Variants in INTS1 observed in about 807,000 individuals in gnomAD.
The protein encoded by INTS1 is integrator complex subunit 1.
In INTS1, 137 loss-of-function variants were observed where a neutral mutation model predicts 241.6. The ratio of observed to expected loss-of-function variants is 0.57; its 90% confidence interval spans 0.49 to 0.65. The LOEUF (loss-of-function observed/expected upper bound fraction) is 0.65. INTS1 is among the 30% of genes least tolerant of loss of function. The pLI is 0.00. For synonymous variants in INTS1, 1,692 were observed against 1,337.8 expected, an observed-to-expected ratio of 1.26 and a Z score of -5.78; for missense variants, 3,073 against 3,032.2, an observed-to-expected ratio of 1.01 and a Z score of -0.32.
chr7:1,476,077 A>G lies in INTS1; in HGVS notation c.5379-6T>C. 1.3e-6 allele frequency: 2 copies of G among 1,540,426 alleles called. No homozygotes were observed. Among genetic ancestry groups the G allele is most frequent in the Admixed American group, 2.0e-5 (1 of 50,926 alleles). On this transcript the variant is annotated splice_region_variant and splice_polypyrimidine_tract_variant and intron_variant, in intron 38 of 47. Transcript: ENST00000404767. ...GGCAGCGCCTGCCCAGCACGCTGGA[A>G]GAGGTGGAGCAGGGCTCACCAGGCG...
In INTS1 at chr7:1,486,987, C is replaced by A. The variant is rs776012814; in HGVS notation, c.2761G>T (p.Asp921Tyr). The change falls in exon 21 of 48, where the codon GAT becomes TAT. Residue 921 changes from aspartate to tyrosine, a missense_variant. Physicochemically the swap from Asp to Tyr is radical, Grantham distance 160 (BLOSUM62 -3). Coordinates refer to ENST00000404767, the MANE Select transcript of INTS1 (RefSeq NM_001080453.3). ...CEFLLHDAVDDAASGEEDDEG... is the reference protein window; with the variant it reads ...CEFLLHDAVDYAASGEEDDEG... The stretch of plus-strand genomic sequence containing the variant: ...TCGTCCTCCTCCCCGGAAGCAGCAT[C>A]GTCCACAGCATCGTGCAGCAGGAAC... 1 of 1,608,254 alleles carries A rather than the reference C, an allele frequency of 6.2e-7. No individual in the cohort carries two copies. Among genetic ancestry groups the A allele is most frequent in the Admixed American group, 1.7e-5 (1 of 59,870 alleles).
rs770370653 is a variant in INTS1, at chr7:1,498,777, C to T, written c.1213G>A (p.Val405Ile). The T allele has an allele frequency of 3.1e-6, 5 of 1,591,244 alleles. No homozygotes were observed. Among genetic ancestry groups the T allele is most frequent in the Admixed American group, 3.5e-5 (2 of 56,894 alleles). ...CNTHGSEDMD[V>I]ISHLIKIRLK... ...CGGATCTTGATCAGGTGTGAGATGA[C>T]GTCCATGTCTTCGGAACCGTGCGTG... Residue 405 changes from valine (V) to isoleucine (I), a missense_variant, in exon 9 of 48, where the codon GTC becomes ATC. Coordinates refer to ENST00000404767, the MANE Select transcript of INTS1 (RefSeq NM_001080453.3).
At position 1,485,337 on chromosome 7, in the gene INTS1, G is replaced by A. The variant is rs1782204085; in HGVS notation, c.3109C>T (p.Pro1037Ser). Residue 1037 changes from proline to serine, a missense_variant, in exon 23 of 48, where the codon CCT becomes TCT. Transcript: ENST00000404767. Reference protein sequence around the residue: ...QWLLRDLPRLPLFDSVRSTTA... With the variant: ...QWLLRDLPRLSLFDSVRSTTA... ...GTGCTCCTGACGCTGTCGAACAGAGGCAGGCGAGGCAGGTCCCGCAGCAGC... is the reference window on the plus strand; with the variant it reads ...GTGCTCCTGACGCTGTCGAACAGAGACAGGCGAGGCAGGTCCCGCAGCAGC... 2.5e-6 allele frequency: 4 copies of A among 1,611,798 alleles called. No individual in the cohort carries two copies. Among genetic ancestry groups the A allele is most frequent in the Non-Finnish European group, 3.4e-6 (4 of 1,179,758 alleles).
At position 1,493,583 on chromosome 7, in the gene INTS1, A is replaced by C. The variant is rs1275746992; in HGVS notation, c.2068+171T>G. ...TTGCCAAATACACGCACGCTTCTGA[A>C]TTCCCAACGGCAGATGTGGAGAAGG... On this transcript the variant is annotated intron_variant, in intron 15 of 47. Transcript: ENST00000404767. This position sits in a 1 kb window ranked among gnomAD's most constrained non-coding sequence, Gnocchi z 5.3. Among the ~76,000 whole-genome samples, 1 of 147,510 alleles carries C rather than the reference A, an allele frequency of 6.8e-6. No homozygotes were observed. Among genetic ancestry groups the C allele is most frequent in the East Asian group, 1.9e-4 (1 of 5,162 alleles).
chr7:1,482,355 C>T, intron 27 of INTS1, 191 bp downstream of exon 27: 1 of 507,470 alleles, frequency 2.0e-6, no homozygotes, highest in Admixed American at 3.7e-5. Context: ...GCACAGGCTG[C>T]CCTAGGTCTC....
chr7:1,495,286 C>A, intron 13 of INTS1, 147 bp downstream of exon 13: 1 of 1,002,444 alleles, frequency 1.0e-6, no homozygotes, highest in Non-Finnish European at 1.4e-6. Flanking sequence ...CCTGGCTTGT[C>A]CCGGCTTAGT....
At chr7:1,498,930 G>GGCCCCC (rs1783000535) in intron 8 of INTS1, 45 bp downstream of exon 8, 60 of 1,460,050 alleles carry the variant, frequency 4.1e-5, no homozygotes, top group African/African-American at 5.8e-5. Context: ...CACAGAGCCT[G>GGCCCCC]CCCCCACCCC....
Position 1,493,820 on chromosome 7 carries a change from C to T in INTS1, c.2002G>A (p.Gly668Arg). ...VIGLSRELPLGPADAMELADH... is the reference protein window; with the variant it reads ...VIGLSRELPLRPADAMELADH... ...GCAAGCTCCATGGCGTCCGCAGGCCCGAGCGGGAGCTCCCGGGACAGCCCG... is the reference window on the plus strand; with the variant it reads ...GCAAGCTCCATGGCGTCCGCAGGCCTGAGCGGGAGCTCCCGGGACAGCCCG... The change falls in exon 15 of 48, where the codon GGG becomes AGG. Residue 668 changes from glycine (G) to arginine (R), a missense_variant. Transcript: ENST00000404767. This position sits in a 1 kb window ranked among gnomAD's most constrained non-coding sequence, Gnocchi z 5.3. 1.9e-6 allele frequency: 3 copies of T among 1,574,164 alleles called. No individual in the cohort carries two copies. Among genetic ancestry groups the T allele is most frequent in the Non-Finnish European group, 2.6e-6 (3 of 1,161,028 alleles).
At chr7:1,478,253 G>C (rs112477869) in intron 33 of INTS1, 113 bp downstream of exon 33, 35 of 1,228,994 alleles carry the variant, frequency 2.8e-5, no homozygotes, top group Non-Finnish European at 3.5e-5. Context: ...GGCACTTTCC[G>C]GGGACAGTGC....
rs754347721 is a variant in INTS1 at position 1,476,642 on chromosome 7, G to A, written c.5079C>T (p.Ala1693=). 5.6e-6 allele frequency: 9 copies of A among 1,612,718 alleles called. No homozygotes were observed. Among genetic ancestry groups the A allele is most frequent in the Admixed American group, 1.7e-5 (1 of 60,034 alleles). The change falls in exon 37 of 48, where the codon GCC becomes GCT. Residue 1693 remains alanine (A), a synonymous_variant. Transcript: ENST00000404767. Reference sequence around the variant, plus strand: ...TGCAGGCCCAGAGGAAGTCCAGAGAGGCAGAGGGGTCGAACCTGTGGGGAG... The same window carrying A: ...TGCAGGCCCAGAGGAAGTCCAGAGAAGCAGAGGGGTCGAACCTGTGGGGAG... ...KSREQRFDPS[A]SLDFLWACIH... is the part of the protein sequence containing the mutation.
intron 16 of INTS1, among the ~76,000 whole-genome samples, chr7:1,490,118 C>T (rs1782476139): frequency 1.3e-5 from 2 of 152,140 alleles, no homozygotes; most frequent in Admixed American, 6.6e-5. Context: ...TGCCTGGAGC[C>T]ACATGCAGAG....
chr7:1,474,259 C>T lies in INTS1; in HGVS notation c.5738G>A (p.Gly1913Asp). The T allele has an allele frequency of 1.9e-6, 3 of 1,607,588 alleles. No homozygotes were observed. The highest frequency in any genetic ancestry group is 2.5e-6 in the Non-Finnish European group (3 of 1,178,902). ...NHLSCFLHVL[G>D]LLELLQPHVF... ...GTGCGGCTGCAGCAGCTCCAGCAGGCCCAGCACGTGCAGGAAGCAGCTCAG... is the reference window on the plus strand; with the variant it reads ...GTGCGGCTGCAGCAGCTCCAGCAGGTCCAGCACGTGCAGGAAGCAGCTCAG... Residue 1913 changes from glycine (G) to aspartate (D), a missense_variant, in exon 41 of 48, where the codon GGC (glycine) becomes GAC (aspartate). By Grantham distance (94) the Gly-to-Asp change is moderately conservative. Coordinates refer to ENST00000404767, the MANE Select transcript of INTS1 (RefSeq NM_001080453.3).
At chr7:1,470,988 C>G in intron 46 of INTS1, 33 bp from the exon 47 acceptor site, 1 of 1,530,592 alleles carries the variant, frequency 6.5e-7, no homozygotes, top group Non-Finnish European at 8.8e-7. Flanking sequence ...TGGGAACCTC[C>G]ACCCTGTGCC....
intron 39 of INTS1, among the ~76,000 whole-genome samples, chr7:1,475,729 A>C (rs371101323): frequency 3.3e-5 from 5 of 152,238 alleles, no homozygotes; most frequent in Admixed American, 2.0e-4. Context: ...AGTGCCCACA[A>C]CACCACGACT....
intron 36 of INTS1, 50 bp from the exon 37 acceptor site, chr7:1,476,707 G>A (rs1433793338): frequency 6.2e-7 from 1 of 1,612,132 alleles, no homozygotes; most frequent in Non-Finnish European, 8.5e-7. Context: ...TCTCAGCATG[G>A]GAGATACCAG....
In INTS1 at chr7:1,497,035, A is replaced by G; in HGVS notation, c.1602+103T>C. On this transcript the variant is annotated intron_variant, in intron 11 of 47. Transcript: ENST00000404767. This position sits in a 1 kb window ranked among gnomAD's most constrained non-coding sequence, Gnocchi z 5.3. Reference sequence around the variant, plus strand: ...CATCCCCGTACCCACGCTCAGCCAGAGCATCCGAAGGGGTGGAGTGTGCAT... The same window carrying G: ...CATCCCCGTACCCACGCTCAGCCAGGGCATCCGAAGGGGTGGAGTGTGCAT... The G allele has an allele frequency of 1.7e-6, 2 of 1,190,178 alleles. No homozygotes were observed. The highest frequency in any genetic ancestry group is 2.3e-6 in the Non-Finnish European group (2 of 869,964). 73.7% of individuals were successfully genotyped at this position (1,190,178 alleles called of 1,614,324 possible). A position where few individuals can be genotyped will look rare whatever the true frequency, so the allele number is the denominator to read the frequency against.
In INTS1 at chr7:1,476,562, A is replaced by G; in HGVS notation, c.5151+8T>C. ...CTCTCCCGGATGGGCCACCCTCCCAAGACCTGCCTGCGGGGTGCGCTGGTC... is the reference window on the plus strand; with the variant it reads ...CTCTCCCGGATGGGCCACCCTCCCAGGACCTGCCTGCGGGGTGCGCTGGTC... On this transcript the variant is annotated splice_region_variant and intron_variant, in intron 37 of 47. Transcript: ENST00000404767. 1 of 1,281,818 alleles carries G rather than the reference A, an allele frequency of 7.8e-7. No individual in the cohort carries two copies. The highest frequency in any genetic ancestry group is 1.0e-6 in the Non-Finnish European group (1 of 971,208). The allele number at this position is 1,281,818 out of a possible 1,614,324, so 79.4% of individuals were successfully genotyped here.
At chr7:1,479,296 G>A (rs1781881162) in intron 31 of INTS1, 134 bp downstream of exon 31, 2 of 1,091,782 alleles carry the variant, frequency 1.8e-6, no homozygotes, top group Non-Finnish European at 1.3e-6. Flanking sequence ...CCACTCCCTG[G>A]GGCACTGTCC....
intron 29 of INTS1, 111 bp downstream of exon 29, chr7:1,480,724 C>T (rs1391831679): frequency 2.3e-6 from 2 of 887,758 alleles, no homozygotes; most frequent in Non-Finnish European, 3.5e-6. Flanking sequence ...CAAGTGTGCA[C>T]TGCCCTGTGT....
Sources: allele counts gnomAD v4.1 joint callset (sites outside exome capture counted in the v4.1 genomes callset), GRCh38; gene constraint gnomAD v4.1.1; non-coding constraint Gnocchi (gnomAD v3.1); transcripts MANE v1.5; gene names NCBI Gene and HGNC (gene_info 2026-07-23, HGNC 2026-07-21).